The following WDR64 variants were observed in gnomAD, a reference collection of about 807,000 sequenced individuals.
WDR64 encodes the protein WD repeat domain 64.
WDR64 carries 112 observed loss-of-function variants against 139.3 expected under a neutral mutation model. The ratio of observed to expected loss-of-function variants is 0.80; its 90% CI spans 0.69 to 0.94. WDR64 has a LOEUF of 0.94. Ranked by LOEUF, WDR64 falls within the 40% of genes least tolerant of loss-of-function variation. The probability of loss-of-function intolerance (pLI) is 0.00; values close to 1 mark genes in which losing one functional copy is unlikely to be tolerated. For missense variants in WDR64, 1,206 were observed against 1,293.1 expected (o/e 0.93, Z 1.03); for synonymous variants, 444 against 437.7 (o/e 1.01, Z -0.18).
At position 241,766,246 on chromosome 1, in the gene WDR64, A is replaced by G; in HGVS notation, c.1976A>G (p.Asn659Ser). 1 of 1,614,050 alleles carries G rather than the reference A, an allele frequency of 6.2e-7. No homozygotes were observed. Among genetic ancestry groups the G allele is most frequent in the Non-Finnish European group, 8.5e-7 (1 of 1,179,952 alleles). ...DNPTMDLLRV[N>S]CIDLLQVEGY... is the part of the protein sequence containing the mutation. The stretch of plus-strand genomic sequence containing the variant: ...CCCACCATGGATTTATTACGAGTGA[A>G]CTGCATTGATTTACTACAAGTAGAA... Residue 659 changes from asparagine (N) to serine (S), a missense_variant, in exon 16 of 28, where the codon AAC (asparagine) becomes AGC (serine). By Grantham distance (46) the Asn-to-Ser change is conservative. Coordinates refer to ENST00000437684, the MANE Select transcript of WDR64 (RefSeq NM_001367482.1).
chr1:241,683,612 C>T lies in WDR64; in HGVS notation c.750C>T (p.Phe250=). 6.4e-7 allele frequency: 1 copy of T among 1,551,560 alleles called. No homozygotes were observed. The highest frequency in any genetic ancestry group is 8.7e-7 in the Non-Finnish European group (1 of 1,146,972). The change falls in exon 7 of 28, where the codon TTC becomes TTT. Residue 250 remains phenylalanine, a synonymous_variant. Coordinates refer to ENST00000437684, the MANE Select transcript of WDR64 (RefSeq NM_001367482.1). The part of the protein sequence containing the change: ...LGDDGGFVNR[F]TVNSDDFGIK... Reference sequence around the variant, plus strand: ...ATGATGGGGGTTTTGTGAACAGATTCACAGTCAACAGTGATGACTTTGGAA... The same window carrying T: ...ATGATGGGGGTTTTGTGAACAGATTTACAGTCAACAGTGATGACTTTGGAA...
At chr1:241,756,891 ATGAAC>A (rs1670212573) in intron 14 of WDR64, among the ~76,000 whole-genome samples, 3 of 152,234 alleles carry the variant, frequency 2.0e-5, no homozygotes, top group African/African-American at 4.8e-5. Flanking sequence ...TTAAAAATAA[ATGAAC>A]TGGAGTTCCA....
intron 8 of WDR64, among the ~76,000 whole-genome samples, chr1:241,697,034 AG>A (rs965330876): frequency 6.6e-6 from 1 of 152,016 alleles, no homozygotes; most frequent in Non-Finnish European, 1.5e-5. Flanking sequence ...CCTAGACCCC[AG>A]GTTATTCATC....
At position 241,754,570 on chromosome 1, in the gene WDR64, A is replaced by G. The variant is rs570981102; in HGVS notation, c.1771-2713A>G. 1.3e-4 allele frequency among the ~76,000 whole-genome samples: 20 copies of G among 152,134 alleles called. No homozygotes were observed. The South Asian group carries it at 4.2e-3, about 32-fold the overall frequency. On this transcript the variant is annotated intron_variant, in intron 14 of 27. Transcript: ENST00000437684. ...CTTGACCTCGTGATCTGCTGGCCTCAGCCTCCCAAAGTGCTGGAATTACAG... is the reference window on the plus strand; with the variant it reads ...CTTGACCTCGTGATCTGCTGGCCTCGGCCTCCCAAAGTGCTGGAATTACAG...
chr1:241,675,697 C>T (rs1201191530), intron 4 of WDR64, among the ~76,000 whole-genome samples: 3 of 152,186 alleles, frequency 2.0e-5, no homozygotes, highest in Non-Finnish European at 4.4e-5. Flanking sequence ...GCTTAGTGAG[C>T]CACTTACATA....
intron 1 of WDR64, among the ~76,000 whole-genome samples, chr1:241,659,572 T>C (rs376698605): frequency 2.0e-5 from 3 of 152,178 alleles, no homozygotes; most frequent in African/African-American, 7.2e-5. Flanking sequence ...CCAGCATCTG[T>C]TGTATTTTGA....
intron 6 of WDR64, among the ~76,000 whole-genome samples, chr1:241,682,770 T>G (rs1666858831): frequency 6.6e-6 from 1 of 152,250 alleles, no homozygotes; most frequent in Non-Finnish European, 1.5e-5. Context: ...CCATGGGACC[T>G]GATGTGGCCT....
intron 20 of WDR64, among the ~76,000 whole-genome samples, chr1:241,774,058 G>T (rs1214264720): frequency 6.6e-6 from 1 of 152,166 alleles, no homozygotes; most frequent in Admixed American, 6.6e-5. Flanking sequence ...GATTTAGGGT[G>T]GAATTAAGAG....
At chr1:241,745,875 G>A (rs1669737428) in intron 13 of WDR64, among the ~76,000 whole-genome samples, 1 of 152,176 alleles carries the variant, frequency 6.6e-6, no homozygotes. Flanking sequence ...GGGAAAAGCT[G>A]AGGAGTACGT....
Position 241,755,959 on chromosome 1 carries a change from C to A in WDR64, c.1771-1324C>A, listed in dbSNP as rs372435774. ...TACTAGTACCATGCTGTTTTAGTTA[C>A]TGTAGCCTTGTAGTATAGTTCAAAG... is the stretch of plus-strand genomic sequence containing the variant. On this transcript the variant is annotated intron_variant, in intron 14 of 27. Transcript: ENST00000437684. Among the ~76,000 whole-genome samples, 21 of 152,274 alleles carry A rather than the reference C, an allele frequency of 1.4e-4. No individual in the cohort carries two copies. In the South Asian group the frequency reaches 1.7e-3, roughly 12 times the overall value.
intron 8 of WDR64, among the ~76,000 whole-genome samples, chr1:241,692,620 C>A (rs1667344626): frequency 6.6e-6 from 1 of 152,042 alleles, no homozygotes; most frequent in African/African-American, 2.4e-5. Context: ...AAAGACTCTG[C>A]CAAGAGAATG....
At chr1:241,784,025 A>G (rs995803667) in intron 23 of WDR64, among the ~76,000 whole-genome samples, 2 of 152,354 alleles carry the variant, frequency 1.3e-5, no homozygotes, top group East Asian at 1.9e-4. Context: ...GCTTTGAAGT[A>G]TATTAGGGAA....
At chr1:241,670,763 G>C (rs1440671460) in intron 2 of WDR64, among the ~76,000 whole-genome samples, 1 of 152,086 alleles carries the variant, frequency 6.6e-6, no homozygotes, top group Non-Finnish European at 1.5e-5. Flanking sequence ...TGTATGCAAG[G>C]GATCTAGATT....
intron 13 of WDR64, among the ~76,000 whole-genome samples, chr1:241,748,823 C>A (rs7554877): frequency 4.6e-5 from 7 of 151,302 alleles, no homozygotes; most frequent in African/African-American, 1.7e-4. Context: ...GCCTGCAGTC[C>A]CAGCTACTCT....
At chr1:241,738,140 C>A (rs1006538910) in intron 10 of WDR64, among the ~76,000 whole-genome samples, 1 of 147,514 alleles carries the variant, frequency 6.8e-6, no homozygotes, top group Non-Finnish European at 1.5e-5. Context: ...TAAAGGTATA[C>A]CTTTAAGCAA....
chr1:241,775,267 A>G (rs1479231346), intron 21 of WDR64, 57 bp downstream of exon 21: 1 of 1,416,564 alleles, frequency 7.1e-7, no homozygotes. Context: ...TACCTGATAT[A>G]AAAATGGCTT....
intron 8 of WDR64, among the ~76,000 whole-genome samples, chr1:241,700,153 G>A (rs1056738957): frequency 3.3e-5 from 5 of 149,918 alleles, no homozygotes; most frequent in African/African-American, 1.2e-4. Flanking sequence ...ATAAAGGAGA[G>A]GGAGGAATCT....
chr1:241,775,350 T>C, intron 21 of WDR64, 140 bp downstream of exon 21: 3 of 601,886 alleles, frequency 5.0e-6, no homozygotes, highest in East Asian at 2.8e-5. Flanking sequence ...GAAAGTGTTA[T>C]AAATAGCCTG....
At chr1:241,684,821 AG>A (rs1666946539) in intron 7 of WDR64, among the ~76,000 whole-genome samples, 1 of 152,108 alleles carries the variant, frequency 6.6e-6, no homozygotes, top group Non-Finnish European at 1.5e-5. Flanking sequence ...TCAGTGGCGC[AG>A]TCTCGGCTCC....
Sources: gnomAD v4.1 joint callset for allele counts (sites outside exome capture counted in the v4.1 genomes callset) on GRCh38, gnomAD v4.1.1 for gene constraint, MANE v1.5 for transcripts, NCBI Gene and HGNC (gene_info 2026-07-23, HGNC 2026-07-21) for gene names.